The following STK32A variants were observed in gnomAD, a reference collection of about 807,000 sequenced individuals.
The protein encoded by STK32A is serine/threonine kinase 32A, also known as serine/threonine-protein kinase 32A.
Under a neutral mutation model 53.2 loss-of-function variants are expected in STK32A, and 41 were observed. The observed-to-expected ratio is 0.77, with a 90% CI of 0.60 to 1.00. The LOEUF is 1.00. Among genes scored for constraint, STK32A ranks in the 50% least tolerant of loss-of-function variants. The pLI is 0.00. For missense variants in STK32A, 458 were observed against 485.8 expected (o/e 0.94, Z 0.54); for synonymous variants, 166 against 162.8 (o/e 1.02, Z -0.15).
At chr5:147,363,986 C>T (rs369645857) in intron 8 of STK32A, among the ~76,000 whole-genome samples, 17 of 152,168 alleles carry the variant, frequency 1.1e-4, no homozygotes, top group Admixed American at 3.3e-4. Flanking sequence ...AAGGCTGAGG[C>T]GGGCAGATCA....
At chr5:147,310,523 C>CG (rs1167515232) in intron 4 of STK32A, among the ~76,000 whole-genome samples, 1 of 152,150 alleles carries the variant, frequency 6.6e-6, no homozygotes, top group Non-Finnish European at 1.5e-5. Context: ...ACCTCTCCCA[C>CG]GCCAGCCAGG....
chr5:147,300,844 G>T (rs147851755), intron 4 of STK32A, among the ~76,000 whole-genome samples: 2 of 152,286 alleles, frequency 1.3e-5, no homozygotes, highest in East Asian at 3.9e-4. Flanking sequence ...GTACTACTTT[G>T]AATGACAGTG....
chr5:147,264,066 A>G (rs61212835), intron 2 of STK32A, among the ~76,000 whole-genome samples: 3,318 of 152,326 alleles, frequency 0.022, 147 homozygotes, highest in African/African-American at 0.076. Context: ...TTTCCAACCT[A>G]GAATTCAATA....
intron 5 of STK32A, among the ~76,000 whole-genome samples, chr5:147,333,699 T>A (rs1296830253): frequency 1.3e-5 from 2 of 152,250 alleles, no homozygotes; most frequent in Non-Finnish European, 2.9e-5. Flanking sequence ...TATACCCATT[T>A]GCTTTGAGTT....
At chr5:147,287,568 T>C (rs891375380) in intron 4 of STK32A, among the ~76,000 whole-genome samples, 1 of 152,186 alleles carries the variant, frequency 6.6e-6, no homozygotes, top group African/African-American at 2.4e-5. Context: ...GATGGTTTTA[T>C]GTGACTTGGA....
Position 147,361,592 on chromosome 5 carries a change from C to T in STK32A, c.638C>T (p.Ala213Val). 1 of 1,612,946 alleles carries T rather than the reference C, an allele frequency of 6.2e-7. No homozygotes were observed. The highest frequency in any genetic ancestry group is 8.5e-7 in the Non-Finnish European group (1 of 1,179,282). The change falls in exon 8 of 13, where the codon GCA (alanine) becomes GTA (valine). Residue 213 changes from alanine to valine, a missense_variant. Physicochemically the swap from Ala to Val is moderately conservative, Grantham distance 64 (BLOSUM62 0). Coordinates refer to ENST00000397936, the MANE Select transcript of STK32A (RefSeq NM_001112724.2). ...AVDWWSLGVT[A>V]YELLRGRRPY... Reference sequence around the variant, plus strand: ...GACTGGTGGTCCCTGGGAGTGACGGCATATGAACTGCTGAGAGGCCGGGTA... The same window carrying T: ...GACTGGTGGTCCCTGGGAGTGACGGTATATGAACTGCTGAGAGGCCGGGTA...
In STK32A at chr5:147,350,179, C is replaced by T. The variant is rs370358658; in HGVS notation, c.473-886C>T. On this transcript the variant is annotated intron_variant, in intron 6 of 12. Transcript: ENST00000397936. ...ACCCCGCCCCCCACCCACCGCCCCC[C>T]GCTATCCCTTGATAACAGTTATTTT... is the stretch of plus-strand genomic sequence containing the variant. Among the ~76,000 whole-genome samples the T allele has an allele frequency of 3.2e-3, 415 of 130,108 alleles. 6 individuals carry two copies. The Middle Eastern group carries it at 0.036, about 11-fold the overall frequency. 85.4% of individuals were successfully genotyped at this position (130,108 alleles called of 152,430 possible).
chr5:147,372,269 CTTTTTTTTTTTTTTTTTTTT>C lies in STK32A; in HGVS notation c.778-889_778-870del, dbSNP rs71274369. On this transcript the variant is annotated intron_variant, in intron 9 of 12. Transcript: ENST00000397936. ...GGGGCCCAAGAGGAATGGGCTTGGC[CTTTTTTTTTTTTTTTTTTTT>C]TTTTTTTTTTGAGGAGAAAATTGCA... Among the ~76,000 whole-genome samples the C allele has an allele frequency of 1.8e-4, 9 of 49,332 alleles. 1 individual carries two copies. The highest frequency in any genetic ancestry group is 7.3e-4 in the African/African-American group (9 of 12,290). 32.4% of individuals were successfully genotyped at this position (49,332 alleles called of 152,430 possible).
intron 7 of STK32A, among the ~76,000 whole-genome samples, chr5:147,354,644 A>G (rs1324411611): frequency 6.6e-6 from 1 of 152,148 alleles, no homozygotes; most frequent in East Asian, 1.9e-4. Flanking sequence ...CAGCAGCCCC[A>G]TGGGGTGGAC....
At chr5:147,261,329 A>C (rs6880670) in intron 2 of STK32A, among the ~76,000 whole-genome samples, 9,649 of 152,310 alleles carry the variant, frequency 0.063, 1,069 homozygotes, top group African/African-American at 0.22. Context: ...GTAAGCGCAC[A>C]CTTGGACAAG....
intron 5 of STK32A, among the ~76,000 whole-genome samples, chr5:147,333,164 G>A (rs1754954187): frequency 6.6e-6 from 1 of 152,132 alleles, no homozygotes; most frequent in East Asian, 1.9e-4. Flanking sequence ...ACAGAGCTCT[G>A]AATAGAGCTT....
intron 4 of STK32A, among the ~76,000 whole-genome samples, chr5:147,296,596 G>A (rs576508798): frequency 1.3e-5 from 2 of 152,170 alleles, no homozygotes; most frequent in East Asian, 1.9e-4. Flanking sequence ...TTGCCTCTTA[G>A]TGTGCATGCT....
intron 4 of STK32A, among the ~76,000 whole-genome samples, chr5:147,312,443 A>G (rs1753750036): frequency 6.6e-6 from 1 of 152,146 alleles, no homozygotes; most frequent in Admixed American, 6.5e-5. Context: ...GTTCTCTCAA[A>G]TTCATTCTGT....
intron 4 of STK32A, among the ~76,000 whole-genome samples, chr5:147,293,490 A>G (rs1288564485): frequency 1.3e-5 from 2 of 148,876 alleles, no homozygotes; most frequent in African/African-American, 4.9e-5. Context: ...AAAAAAAAAA[A>G]AAAAAAAAAA....
At chr5:147,369,002 T>C (rs905538580) in intron 8 of STK32A, among the ~76,000 whole-genome samples, 2 of 152,164 alleles carry the variant, frequency 1.3e-5, no homozygotes, top group Admixed American at 6.5e-5. Context: ...AATCTGATTC[T>C]TAATGATAAA....
intron 1 of STK32A, among the ~76,000 whole-genome samples, chr5:147,237,899 A>G (rs1418280071): frequency 2.0e-5 from 3 of 152,164 alleles, no homozygotes; most frequent in Non-Finnish European, 4.4e-5. Context: ...CACTTTCTCC[A>G]ATTCTGCCTG....
chr5:147,382,660 T>C (rs1757498275), intron 11 of STK32A, among the ~76,000 whole-genome samples: 1 of 152,176 alleles, frequency 6.6e-6, no homozygotes, highest in Non-Finnish European at 1.5e-5. Context: ...TCAGCTGAGG[T>C]GTAAACATAA....
intron 4 of STK32A, among the ~76,000 whole-genome samples, chr5:147,322,514 C>A (rs1403636096): frequency 1.3e-5 from 2 of 152,200 alleles, no homozygotes; most frequent in African/African-American, 4.8e-5. Flanking sequence ...TTTCTCCCAT[C>A]ATTTGATATT....
intron 2 of STK32A, among the ~76,000 whole-genome samples, chr5:147,260,963 T>C (rs1052423024): frequency 6.6e-5 from 10 of 152,242 alleles, no homozygotes; most frequent in Non-Finnish European, 1.5e-5. Flanking sequence ...CGGCTTCTCC[T>C]TCCTTGGTCT....
Sources: allele counts gnomAD v4.1 joint callset (sites outside exome capture counted in the v4.1 genomes callset), GRCh38; gene constraint gnomAD v4.1.1; transcripts MANE v1.5; gene names NCBI Gene and HGNC (gene_info 2026-07-23, HGNC 2026-07-21).